The following NIPSNAP2 variants were observed in gnomAD, a reference collection of about 807,000 sequenced individuals.
NIPSNAP2 encodes the protein protein NipSnap homolog 2.
A neutral mutation model predicts 48.4 loss-of-function variants in NIPSNAP2; 42 were observed. The observed-to-expected ratio is 0.87, with a 90% CI of 0.68 to 1.12. NIPSNAP2 has a LOEUF of 1.12. NIPSNAP2 is among the 50% of genes most tolerant of loss of function. The pLI is 0.00. For missense variants in NIPSNAP2, 314 were observed against 347.3 expected (o/e 0.90, Z 0.76); for synonymous variants, 158 against 126.6 (o/e 1.25, Z -1.67).
At chr7:55,968,521 G>A (rs1786945406) in intron 1 of NIPSNAP2, among the ~76,000 whole-genome samples, 2 of 152,044 alleles carry the variant, frequency 1.3e-5, no homozygotes, top group South Asian at 4.2e-4. Context: ...GATTAGCTGG[G>A]ACTACAGGCG....
intron 1 of NIPSNAP2, among the ~76,000 whole-genome samples, chr7:55,973,844 A>G (rs971204622): frequency 6.6e-6 from 1 of 152,128 alleles, no homozygotes; most frequent in African/African-American, 2.4e-5. Flanking sequence ...GTTTCTACCT[A>G]TTTGAGACAA....
chr7:55,978,051 C>A, intron 1 of NIPSNAP2, 75 bp from the exon 2 acceptor site: 2 of 1,535,796 alleles, frequency 1.3e-6, no homozygotes, highest in South Asian at 2.4e-5. Flanking sequence ...AATAGCTGCT[C>A]ACTGTGTTTG....
Position 55,978,284 on chromosome 7 carries a change from A to G in NIPSNAP2, c.232+19A>G, listed in dbSNP as rs765466206. 54 of 1,613,784 alleles carry G rather than the reference A, an allele frequency of 3.3e-5. No homozygotes were observed. The highest frequency in any genetic ancestry group is 4.3e-5 in the Non-Finnish European group (51 of 1,179,930). ...TTACAGTGTGAGTGACAGGTTTGCT[A>G]TCTTCATAGTTGACTTTTTTTCCCC... On this transcript the variant is annotated intron_variant, in intron 2 of 9. Transcript: ENST00000322090.
chr7:55,997,388 G>A lies in NIPSNAP2; in HGVS notation c.735G>A (p.Arg245=). ...AAGCTTACAGGGATCTTCAGACCAG[G>A]GAAGACATACGGAATGCAGCATGGC... The part of the protein sequence containing the change: ...HLWAYRDLQT[R]EDIRNAAWHK... Residue 245 remains arginine, a synonymous_variant, in exon 9 of 10, where the codon AGG becomes AGA. Coordinates refer to ENST00000322090, the MANE Select transcript of NIPSNAP2 (RefSeq NM_001483.3). The A allele has an allele frequency of 6.2e-7, 1 of 1,613,806 alleles. No homozygotes were observed. Among genetic ancestry groups the A allele is most frequent in the East Asian group, 2.2e-5 (1 of 44,866 alleles).
Position 55,964,655 on chromosome 7 carries a change from G to GGCCTCCTGCAGCGGGCGGCCCCCTGCA in NIPSNAP2, c.56_82dup (p.Gln19_Leu27dup), listed in dbSNP as rs1786852094. 2.7e-6 allele frequency: 3 copies of GGCCTCCTGCAGCGGGCGGCCCCCTGCA among 1,105,142 alleles called. No individual in the cohort carries two copies. The highest frequency in any genetic ancestry group is 8.6e-5 in the South Asian group (2 of 23,178). The allele number at this position is 1,105,142 out of a possible 1,614,324, so 68.5% of individuals were successfully genotyped here. On this transcript the variant is annotated inframe_insertion, in exon 1 of 10. Coordinates refer to ENST00000322090, the MANE Select transcript of NIPSNAP2 (RefSeq NM_001483.3). ...CGCCCGCGGAGCGGCCTGGGCCGGC[G>GGCCTCCTGCAGCGGGCGGCCCCCTGCA]GCCTCCTGCAGCGGGCGGCCCCCTG... is the stretch of plus-strand genomic sequence containing the variant.
rs1787627675 is a variant in NIPSNAP2 at position 55,999,088 on chromosome 7, A to G, written c.*16A>G. The G allele has an allele frequency of 2.5e-6, 4 of 1,583,862 alleles. No individual in the cohort carries two copies. The East Asian group carries it at 8.9e-5, about 35-fold the overall frequency. On this transcript the variant is annotated 3_prime_UTR_variant, in exon 10 of 10. Transcript: ENST00000322090. ...CCTCCAGTAAAGCTGTAGAGTTTCTATGTGCCTACATACATTTCTGTGACA... is the reference window on the plus strand; with the variant it reads ...CCTCCAGTAAAGCTGTAGAGTTTCTGTGTGCCTACATACATTTCTGTGACA...
At chr7:55,982,058 C>A in intron 4 of NIPSNAP2, 152 bp from the exon 5 acceptor site, 1 of 469,130 alleles carries the variant, frequency 2.1e-6, no homozygotes, top group Non-Finnish European at 4.0e-6. Flanking sequence ...CCGCCTGTCT[C>A]AGCCTCCCAA....
chr7:55,996,814 G>A (rs547056995), intron 8 of NIPSNAP2, among the ~76,000 whole-genome samples: 9 of 152,276 alleles, frequency 5.9e-5, no homozygotes, highest in Non-Finnish European at 1.2e-4. Context: ...GATCACTTGA[G>A]TCCAGGTGTT....
At chr7:55,974,397 G>C (rs1308946756) in intron 1 of NIPSNAP2, among the ~76,000 whole-genome samples, 1 of 152,072 alleles carries the variant, frequency 6.6e-6, no homozygotes, top group African/African-American at 2.4e-5. Context: ...TTCATTTCAT[G>C]AAGTACTGGG....
At chr7:55,998,464 C>A (rs2116384600) in intron 9 of NIPSNAP2, among the ~76,000 whole-genome samples, 1 of 140,970 alleles carries the variant, frequency 7.1e-6, no homozygotes, top group African/African-American at 2.6e-5. Context: ...CTACCTCCCA[C>A]AAATAAAACA....
rs752071145 is a variant in NIPSNAP2, at chr7:55,978,405, C to A, written c.278+10C>A. ...CATACAACAAAATTTGGTGTGTATA[C>A]CAAACTATCCTTTACTTGGGGAAAA... On this transcript the variant is annotated intron_variant, in intron 3 of 9. Transcript: ENST00000322090. 2 of 1,601,346 alleles carry A rather than the reference C, an allele frequency of 1.2e-6. No homozygotes were observed. The highest frequency in any genetic ancestry group is 8.5e-7 in the Non-Finnish European group (1 of 1,173,724).
In NIPSNAP2 at chr7:55,996,558, C is replaced by T. The variant is rs1048561105; in HGVS notation, c.713-808C>T. The stretch of plus-strand genomic sequence containing the variant: ...CCTGCCTCATATCCTGGGGCTTCAC[C>T]GCTGGAACACGCTCCCTGCCCAGAT... On this transcript the variant is annotated intron_variant, in intron 8 of 9. Coordinates refer to ENST00000322090, the MANE Select transcript of NIPSNAP2 (RefSeq NM_001483.3). 1.6e-4 allele frequency among the ~76,000 whole-genome samples: 24 copies of T among 152,212 alleles called. No homozygotes were observed. The South Asian group carries it at 1.9e-3, about 12-fold the overall frequency.
At chr7:55,969,651 G>A (rs888928949) in intron 1 of NIPSNAP2, among the ~76,000 whole-genome samples, 5 of 152,162 alleles carry the variant, frequency 3.3e-5, no homozygotes, top group South Asian at 4.1e-4. Context: ...TCTGTGCATC[G>A]TCAGTGGCTG....
intron 1 of NIPSNAP2, among the ~76,000 whole-genome samples, chr7:55,970,675 G>A (rs538791282): frequency 9.2e-5 from 14 of 152,050 alleles, no homozygotes; most frequent in African/African-American, 3.4e-4. Context: ...AGTCGCCCTC[G>A]CCTCGCCCTC....
At chr7:55,997,528 G>A in intron 9 of NIPSNAP2, 79 bp downstream of exon 9, 2 of 1,147,216 alleles carry the variant, frequency 1.7e-6, no homozygotes, top group Non-Finnish European at 2.6e-6. Flanking sequence ...ACTAATAGGT[G>A]GGTTTTGTAA....
intron 1 of NIPSNAP2, among the ~76,000 whole-genome samples, chr7:55,969,309 C>T (rs1006242207): frequency 2.0e-5 from 3 of 151,994 alleles, no homozygotes; most frequent in Non-Finnish European, 4.4e-5. Flanking sequence ...CAGGAGTCTT[C>T]TTGGCATGGG....
At position 55,981,498 on chromosome 7, in the gene NIPSNAP2, G is replaced by A. The variant is rs1204581640; in HGVS notation, c.304G>A (p.Glu102Lys). ...TCAAGAGGTGTTGCCAAAGATTCAC[G>A]AAGATAAACACTACCCTTGTACTTT... ...ICQEVLPKIH[E>K]DKHYPCTLVG... is the part of the protein sequence containing the mutation. Residue 102 changes from glutamate (E) to lysine (K), a missense_variant, in exon 4 of 10, where the codon GAA (glutamate) becomes AAA (lysine). Physicochemically the swap from Glu to Lys is moderately conservative, Grantham distance 56. This residue lies in a region of NIPSNAP2 where 198 missense variants were observed against 185.5 expected (regional missense o/e 1.07). Transcript: ENST00000322090. The A allele has an allele frequency of 3.7e-6, 6 of 1,613,674 alleles. No individual in the cohort carries two copies. Among genetic ancestry groups the A allele is most frequent in the Non-Finnish European group, 5.1e-6 (6 of 1,179,826 alleles).
intron 7 of NIPSNAP2, among the ~76,000 whole-genome samples, chr7:55,988,265 A>AT (rs1041426597): frequency 6.6e-6 from 1 of 151,824 alleles, no homozygotes; most frequent in African/African-American, 2.4e-5. Flanking sequence ...CAAAAAAAAA[A>AT]TTTTTTTTTA....
At chr7:55,986,829 CAATT>C (rs780136278) in intron 7 of NIPSNAP2, among the ~76,000 whole-genome samples, 1 of 151,260 alleles carries the variant, frequency 6.6e-6, no homozygotes, top group African/African-American at 2.4e-5. Context: ...ACAGATAACT[CAATT>C]AAAAAATGGG....
Sources: gnomAD v4.1 joint callset for allele counts (sites outside exome capture counted in the v4.1 genomes callset) on GRCh38, gnomAD v4.1.1 for gene constraint, gnomAD v4.1.1 regional missense constraint, MANE v1.5 for transcripts, NCBI Gene and HGNC (gene_info 2026-07-23, HGNC 2026-07-21) for gene names.